Variants in PKN2 observed in about 807,000 individuals in gnomAD.
The protein encoded by PKN2 is protein kinase N2.
In PKN2, 38 loss-of-function variants were observed where a neutral mutation model predicts 119.1. That is an observed-to-expected ratio of 0.32 (90% CI 0.25 to 0.42). The LOEUF (loss-of-function observed/expected upper bound fraction) is 0.42. Ranked by LOEUF, PKN2 falls within the 10% of genes least tolerant of loss-of-function variation. The probability of loss-of-function intolerance (pLI) is 1.00; values close to 1 mark genes in which losing one functional copy is unlikely to be tolerated. For synonymous variants in PKN2, 390 were observed against 384.9 expected (o/e 1.01, Z -0.15); for missense variants, 850 against 1,165.1 (o/e 0.73, Z 3.94).
rs919695512 is a variant in PKN2 at position 88,835,414 on chromosome 1, C to G, written c.*1966C>G. The G allele has an allele frequency of 6.6e-6, 1 of 152,258 alleles. No individual in the cohort carries two copies. The highest frequency in any genetic ancestry group is 6.6e-5 in the Admixed American group (1 of 15,226). 9.4% of individuals were successfully genotyped at this position (152,258 alleles called of 1,614,324 possible). A position where few individuals can be genotyped will look rare whatever the true frequency, so the allele number is the denominator to read the frequency against. On this transcript the variant is annotated 3_prime_UTR_variant, in exon 22 of 22. Transcript: ENST00000370521. Reference sequence around the variant, plus strand: ...AAGAAAGTAATGTCTAAAATAGGCTCTTAGCATTAAAAACTGACAGCATTT... The same window carrying G: ...AAGAAAGTAATGTCTAAAATAGGCTGTTAGCATTAAAAACTGACAGCATTT...
chr1:88,698,294 A>G (rs147642763), intron 1 of PKN2, among the ~76,000 whole-genome samples: 7 of 152,272 alleles, frequency 4.6e-5, no homozygotes, highest in Non-Finnish European at 8.8e-5. Flanking sequence ...CAGCAGAAGC[A>G]AGCTTTATTT....
intron 1 of PKN2, among the ~76,000 whole-genome samples, chr1:88,694,693 C>T (rs187875747): frequency 3.9e-5 from 6 of 152,256 alleles, no homozygotes; most frequent in African/African-American, 1.4e-4. Flanking sequence ...AACTGCCCTC[C>T]AGAGTGCCCG....
At chr1:88,735,046 T>G (rs1318004638) in intron 1 of PKN2, among the ~76,000 whole-genome samples, 2 of 152,232 alleles carry the variant, frequency 1.3e-5, no homozygotes, top group Non-Finnish European at 2.9e-5. Flanking sequence ...ATTTATAGTA[T>G]TATAGTATTC....
chr1:88,745,264 G>C lies in PKN2; in HGVS notation c.349+3976G>C, dbSNP rs964933765. Among the ~76,000 whole-genome samples, 7 of 152,160 alleles carry C rather than the reference G, an allele frequency of 4.6e-5. No homozygotes were observed. In the East Asian group the frequency reaches 1.3e-3, roughly 29 times the overall value. ...GCATAGTACTGTTAAGCCCTAGCTA[G>C]AGCACTTAGGCAAGAAAAAGAAATA... On this transcript the variant is annotated intron_variant, in intron 2 of 21. Transcript: ENST00000370521.
intron 1 of PKN2, 147 bp downstream of exon 1, chr1:88,684,775 T>G: frequency 1.1e-5 from 7 of 635,064 alleles, no homozygotes; most frequent in Middle Eastern, 4.5e-4. Context: ...CGGGAAATGC[T>G]TCCCTCGGGG....
chr1:88,815,187 T>C (rs1406686848), intron 16 of PKN2, among the ~76,000 whole-genome samples: 2 of 152,252 alleles, frequency 1.3e-5, no homozygotes, highest in Non-Finnish European at 2.9e-5. Context: ...AAATAATACA[T>C]AAATGTAGTT....
At chr1:88,692,540 T>G (rs1666374407) in intron 1 of PKN2, among the ~76,000 whole-genome samples, 1 of 152,238 alleles carries the variant, frequency 6.6e-6, no homozygotes, top group Admixed American at 6.5e-5. Flanking sequence ...ATATTCTCTT[T>G]TTAAGTTTTA....
At chr1:88,826,589 C>T (rs1006268817) in intron 18 of PKN2, among the ~76,000 whole-genome samples, 1 of 152,118 alleles carries the variant, frequency 6.6e-6, no homozygotes, top group Non-Finnish European at 1.5e-5. Context: ...CCTTCCACCT[C>T]CTCACCCTTC....
At position 88,684,648 on chromosome 1, in the gene PKN2, T is replaced by C. The variant is rs2100631479; in HGVS notation, c.48+20T>C. 6.6e-7 allele frequency: 1 copy of C among 1,516,372 alleles called. No individual in the cohort carries two copies. The highest frequency in any genetic ancestry group is 8.8e-7 in the Non-Finnish European group (1 of 1,133,176). The allele number at this position is 1,516,372 out of a possible 1,614,324, so 93.9% of individuals were successfully genotyped here. A position where few individuals can be genotyped will look rare whatever the true frequency, so the allele number is the denominator to read the frequency against. On this transcript the variant is annotated intron_variant, in intron 1 of 21. Transcript: ENST00000370521. ...CTGCAGGTAAGGGCCGCGGCCCTGG[T>C]GAGAGGCGCTGGCGGAGGAGACAGG... is the stretch of plus-strand genomic sequence containing the variant.
intron 6 of PKN2, among the ~76,000 whole-genome samples, chr1:88,779,914 A>C (rs1192300797): frequency 6.6e-6 from 1 of 152,248 alleles, no homozygotes; most frequent in East Asian, 1.9e-4. Flanking sequence ...ACAGGGCCAC[A>C]TCAGGATTTT....
chr1:88,734,572 A>G (rs1668265900), intron 1 of PKN2, among the ~76,000 whole-genome samples: 1 of 152,170 alleles, frequency 6.6e-6, no homozygotes, highest in Non-Finnish European at 1.5e-5. Context: ...TTATACCAGT[A>G]GCATGCTATT....
At chr1:88,742,340 C>G (rs917318200) in intron 2 of PKN2, among the ~76,000 whole-genome samples, 22 of 152,092 alleles carry the variant, frequency 1.4e-4, no homozygotes, top group African/African-American at 5.1e-4. Flanking sequence ...GCAGAAAACA[C>G]TACTGATATT....
intron 1 of PKN2, among the ~76,000 whole-genome samples, chr1:88,701,635 G>A (rs1666771578): frequency 6.6e-6 from 1 of 152,152 alleles, no homozygotes; most frequent in Non-Finnish European, 1.5e-5. Flanking sequence ...AAAGTAAAAT[G>A]CCCAGCTATT....
At chr1:88,806,142 G>A in intron 12 of PKN2, 125 bp downstream of exon 12, 1 of 897,484 alleles carries the variant, frequency 1.1e-6, no homozygotes, top group Non-Finnish European at 1.7e-6. Flanking sequence ...ATGGTTTTTT[G>A]TTTGTTTTTT....
intron 12 of PKN2, among the ~76,000 whole-genome samples, chr1:88,806,994 A>G (rs995714141): frequency 6.6e-6 from 1 of 152,146 alleles, no homozygotes; most frequent in African/African-American, 2.4e-5. Context: ...CTGGGATTAC[A>G]GGCATGAGCC....
intron 16 of PKN2, among the ~76,000 whole-genome samples, chr1:88,821,515 C>T (rs1046315172): frequency 6.6e-6 from 1 of 152,184 alleles, no homozygotes; most frequent in Non-Finnish European, 1.5e-5. Flanking sequence ...TCCCCAGATA[C>T]ACCCATCCTT....
At chr1:88,781,084 T>G in intron 6 of PKN2, 1 of 1,195,884 alleles carries the variant, frequency 8.4e-7, no homozygotes, top group Non-Finnish European at 1.1e-6. Context: ...TAAACTAAAT[T>G]TTAAGTAACT....
At chr1:88,785,913 A>G (rs974309824) in intron 7 of PKN2, among the ~76,000 whole-genome samples, 191 bp from the exon 8 acceptor site, 3 of 152,220 alleles carry the variant, frequency 2.0e-5, no homozygotes, top group African/African-American at 7.2e-5. Flanking sequence ...TTGTCAAACA[A>G]TTTGGGAGTG....
chr1:88,730,957 TTCTG>T (rs907477735), intron 1 of PKN2, among the ~76,000 whole-genome samples: 1 of 152,244 alleles, frequency 6.6e-6, no homozygotes, highest in Non-Finnish European at 1.5e-5. Flanking sequence ...TAACTGAGCC[TTCTG>T]TTCAAAACAA....
Sources: gnomAD v4.1 joint callset for allele counts (sites outside exome capture counted in the v4.1 genomes callset) on GRCh38, gnomAD v4.1.1 for gene constraint, MANE v1.5 for transcripts, NCBI Gene and HGNC (gene_info 2026-07-23, HGNC 2026-07-21) for gene names.